The following SPATS2L variants were observed in gnomAD, a reference collection of about 807,000 sequenced individuals.
SPATS2L encodes the protein spermatogenesis associated serine rich 2 like.
A neutral mutation model predicts 59.6 loss-of-function variants in SPATS2L; 30 were observed. The ratio of observed to expected loss-of-function variants is 0.50; its 90% CI spans 0.38 to 0.68. SPATS2L has a LOEUF of 0.68. Among genes scored for constraint, SPATS2L ranks in the 30% least tolerant of loss-of-function variants. The pLI is 0.00. For synonymous variants in SPATS2L, 252 were observed against 263.5 expected (o/e 0.96, Z 0.42); for missense variants, 615 against 700.0 (o/e 0.88, Z 1.37).
chr2:200,405,681 C>T (rs2082666562), intron 3 of SPATS2L, among the ~76,000 whole-genome samples: 1 of 152,150 alleles, frequency 6.6e-6, no homozygotes, highest in African/African-American at 2.4e-5. Flanking sequence ...CTGAATGGCT[C>T]AGCATTTGAG....
Position 200,440,629 on chromosome 2 carries a change from T to A in SPATS2L, c.653-20T>A. ...GGATTAAATGCTCAAGTTAATAATA[T>A]TTTTTGACATCAATTTTAGGCCCAA... On this transcript the variant is annotated intron_variant, in intron 7 of 12. Transcript: ENST00000409140. The A allele has an allele frequency of 6.2e-7, 1 of 1,604,954 alleles. No individual in the cohort carries two copies. Among genetic ancestry groups the A allele is most frequent in the South Asian group, 1.1e-5 (1 of 90,306 alleles).
intron 8 of SPATS2L, among the ~76,000 whole-genome samples, chr2:200,446,095 T>G (rs754137821): frequency 2.8e-4 from 42 of 151,934 alleles, no homozygotes; most frequent in Non-Finnish European, 5.1e-4. Context: ...TCCCAACACC[T>G]TGGAAGGCCG....
intron 8 of SPATS2L, among the ~76,000 whole-genome samples, chr2:200,454,741 T>C (rs143385688): frequency 6.6e-6 from 1 of 152,324 alleles, no homozygotes; most frequent in African/African-American, 2.4e-5. Context: ...ATCTGAAACA[T>C]GTGAGGTCCG....
At position 200,472,943 on chromosome 2, in the gene SPATS2L, C is replaced by T; in HGVS notation, c.1172C>T (p.Ser391Leu). The change falls in exon 12 of 13, where the codon TCA (serine) becomes TTA (leucine). Residue 391 changes from serine (S) to leucine (L), a missense_variant. By Grantham distance (145) the Ser-to-Leu change is moderately radical. Transcript: ENST00000409140. ...SGKQSNFSRK[S>L]STHNKPSEGK... ...AAACAGAGTAACTTTTCCCGAAAAT[C>T]ATCCACTCACAATAAGCCCTCTGAA... The T allele has an allele frequency of 6.2e-7, 1 of 1,613,950 alleles. No homozygotes were observed. The highest frequency in any genetic ancestry group is 8.5e-7 in the Non-Finnish European group (1 of 1,179,890).
intron 2 of SPATS2L, among the ~76,000 whole-genome samples, chr2:200,340,160 A>G (rs902442504): frequency 1.1e-4 from 17 of 152,192 alleles, no homozygotes; most frequent in African/African-American, 4.1e-4. Context: ...GGGCTGAGCA[A>G]TCGCTCATCC....
chr2:200,478,790 T>C lies in SPATS2L; in HGVS notation c.*759T>C, dbSNP rs936687209. 1 of 152,256 alleles carries C rather than the reference T, an allele frequency of 6.6e-6. No individual in the cohort carries two copies. The highest frequency in any genetic ancestry group is 2.1e-4 in the South Asian group (1 of 4,832). The allele number at this position is 152,256 out of a possible 1,614,324, so 9.4% of individuals were successfully genotyped here. The stretch of plus-strand genomic sequence containing the variant: ...AGTTGGAAACATTGGTTGCAAGTAC[T>C]ACAAACCTCAGCTGAGCCTAGCTTC... On this transcript the variant is annotated 3_prime_UTR_variant, in exon 13 of 13. Coordinates refer to ENST00000409140, the MANE Select transcript of SPATS2L (RefSeq NM_001100423.2).
At chr2:200,403,288 G>T (rs1320768371) in intron 3 of SPATS2L, among the ~76,000 whole-genome samples, 4 of 152,074 alleles carry the variant, frequency 2.6e-5, no homozygotes, top group Non-Finnish European at 5.9e-5. Flanking sequence ...ATATGCTCAG[G>T]TGAGCTTGAT....
chr2:200,361,386 C>T (rs562525203), intron 2 of SPATS2L, among the ~76,000 whole-genome samples: 1 of 152,130 alleles, frequency 6.6e-6, no homozygotes, highest in Non-Finnish European at 1.5e-5. Flanking sequence ...AATCTCCATC[C>T]TCACTCCCTC....
intron 2 of SPATS2L, among the ~76,000 whole-genome samples, chr2:200,357,680 A>T (rs2033804): frequency 0.34 from 51,332 of 152,070 alleles, 9,559 homozygotes; most frequent in East Asian, 0.57. Context: ...AAGAATAGGG[A>T]AACTTTACTC....
intron 2 of SPATS2L, among the ~76,000 whole-genome samples, chr2:200,382,761 G>T (rs1009906664): frequency 3.3e-5 from 5 of 152,078 alleles, no homozygotes; most frequent in Admixed American, 6.5e-5. Flanking sequence ...TATTCGTAGG[G>T]TTGTGACGGT....
intron 2 of SPATS2L, among the ~76,000 whole-genome samples, chr2:200,349,775 C>T (rs933350454): frequency 2.0e-5 from 3 of 152,212 alleles, no homozygotes; most frequent in Non-Finnish European, 4.4e-5. Context: ...CCATTCTCAT[C>T]CAAGCACTGA....
At chr2:200,430,715 C>CT (rs1179889614) in intron 6 of SPATS2L, among the ~76,000 whole-genome samples, 6,022 of 127,264 alleles carry the variant, frequency 0.047, 369 homozygotes, top group African/African-American at 0.11. Flanking sequence ...GAATTGTTTC[C>CT]TTTTTTTTTT....
chr2:200,412,290 T>TC, intron 3 of SPATS2L, 21 bp from the exon 4 acceptor site: 1 of 943,568 alleles, frequency 1.1e-6, no homozygotes. Context: ...TTCTATTTCT[T>TC]TTTTTTTTTT....
intron 3 of SPATS2L, among the ~76,000 whole-genome samples, chr2:200,403,649 A>G (rs946267300): frequency 6.6e-6 from 1 of 152,096 alleles, no homozygotes; most frequent in Non-Finnish European, 1.5e-5. Flanking sequence ...CTCAGCCCCT[A>G]TGTTTCTGAG....
At chr2:200,361,592 A>G (rs1026838214) in intron 2 of SPATS2L, among the ~76,000 whole-genome samples, 3 of 152,208 alleles carry the variant, frequency 2.0e-5, no homozygotes, top group African/African-American at 4.8e-5. Context: ...TCTTCTTTCC[A>G]TTGTAGAAGG....
intron 3 of SPATS2L, among the ~76,000 whole-genome samples, chr2:200,402,111 C>A (rs1200568092): frequency 6.6e-6 from 1 of 152,206 alleles, no homozygotes; most frequent in African/African-American, 2.4e-5. Flanking sequence ...TCTTTTTCTA[C>A]ACTGCCCCAT....
chr2:200,346,963 C>T (rs922064888), intron 2 of SPATS2L, among the ~76,000 whole-genome samples: 4 of 152,152 alleles, frequency 2.6e-5, no homozygotes, highest in African/African-American at 9.7e-5. Flanking sequence ...ATTGTAGTTA[C>T]ATTATTTTTC....
intron 1 of SPATS2L, among the ~76,000 whole-genome samples, chr2:200,314,802 C>T (rs540376958): frequency 6.4e-4 from 98 of 152,076 alleles, no homozygotes; most frequent in Non-Finnish European, 1.1e-3. Context: ...TTGAGATGTG[C>T]GTAAGTGTAA....
At position 200,477,931 on chromosome 2, in the gene SPATS2L, G is replaced by A. The variant is rs565274592; in HGVS notation, c.1577G>A (p.Ser526Asn). ...TCGGAGGCCAGGCCCTTCCGGGGTA[G>A]TGTCGGTAGGGTTTCACAGTGCAAT... Reference protein sequence around the residue: ...DTSEARPFRGSVGRVSQCNLC... With the variant: ...DTSEARPFRGNVGRVSQCNLC... The change falls in exon 13 of 13, where the codon AGT becomes AAT. Residue 526 changes from serine (S) to asparagine (N), a missense_variant. By Grantham distance (46) the Ser-to-Asn change is conservative (BLOSUM62 1). Coordinates refer to ENST00000409140, the MANE Select transcript of SPATS2L (RefSeq NM_001100423.2). The A allele has an allele frequency of 1.1e-5, 17 of 1,612,138 alleles. No individual in the cohort carries two copies. In the South Asian group the frequency reaches 1.5e-4, roughly 15 times the overall value.
Sources: gnomAD v4.1 joint callset for allele counts (sites outside exome capture counted in the v4.1 genomes callset) on GRCh38, gnomAD v4.1.1 for gene constraint, MANE v1.5 for transcripts, NCBI Gene and HGNC (gene_info 2026-07-23, HGNC 2026-07-21) for gene names.